The following TPST1 variants were observed in gnomAD, a reference collection of about 807,000 sequenced individuals.
The protein encoded by TPST1 is tyrosylprotein sulfotransferase 1, also known as protein-tyrosine sulfotransferase 1.
Under a neutral mutation model 34.8 loss-of-function variants are expected in TPST1, and 20 were observed. The observed-to-expected ratio is 0.57, with a 90% CI of 0.40 to 0.84. The LOEUF is 0.84. TPST1 is among the 40% of genes least tolerant of loss of function. The probability of loss-of-function intolerance (pLI) is 0.00; values close to 1 mark genes in which losing one functional copy is unlikely to be tolerated. For missense variants in TPST1, 353 were observed against 455.5 expected (o/e 0.78, Z 2.05); for synonymous variants, 152 against 159.4 (o/e 0.95, Z 0.35).
chr7:66,255,423 C>T (rs117268389), intron 2 of TPST1, among the ~76,000 whole-genome samples: 41 of 152,222 alleles, frequency 2.7e-4, no homozygotes, highest in Non-Finnish European at 5.1e-4. Flanking sequence ...TATTATTATG[C>T]AGAATTCCAA....
At chr7:66,232,167 A>G (rs1028312775) in intron 1 of TPST1, among the ~76,000 whole-genome samples, 1 of 128,680 alleles carries the variant, frequency 7.8e-6, no homozygotes, top group African/African-American at 2.9e-5. Flanking sequence ...CATGGTAACT[A>G]TTTTTTAATT....
At chr7:66,296,429 A>G (rs1418682930) in intron 3 of TPST1, among the ~76,000 whole-genome samples, 1 of 152,072 alleles carries the variant, frequency 6.6e-6, no homozygotes, top group Non-Finnish European at 1.5e-5. Context: ...AATCCTGTGT[A>G]TCTTCAAAGC....
intron 3 of TPST1, among the ~76,000 whole-genome samples, chr7:66,311,899 C>A (rs1293606262): frequency 6.6e-6 from 1 of 152,232 alleles, no homozygotes; most frequent in Non-Finnish European, 1.5e-5. Context: ...AAACCTTTCT[C>A]ATCTTCTCTC....
chr7:66,304,799 G>A (rs953116502), intron 3 of TPST1, among the ~76,000 whole-genome samples: 1 of 151,026 alleles, frequency 6.6e-6, no homozygotes, highest in Admixed American at 6.6e-5. Flanking sequence ...TACATATACT[G>A]AGATACAGAG....
At chr7:66,302,840 T>C (rs1471619113) in intron 3 of TPST1, among the ~76,000 whole-genome samples, 1 of 152,226 alleles carries the variant, frequency 6.6e-6, no homozygotes, top group Non-Finnish European at 1.5e-5. Flanking sequence ...TCAGCTGCAT[T>C]CAAACCAGGT....
rs150095071 is a variant in TPST1, at chr7:66,342,521, T to C, written c.1045-9984T>C. ...GAAGATGTGTTAGTCCATCTTGCAT[T>C]GCTAAAAAAGAATACCTGAGACTGG... On this transcript the variant is annotated intron_variant, in intron 3 of 5. Coordinates refer to ENST00000304842, the MANE Select transcript of TPST1 (RefSeq NM_003596.4). Among the ~76,000 whole-genome samples, 22 of 152,312 alleles carry C rather than the reference T, an allele frequency of 1.4e-4. No individual in the cohort carries two copies. The East Asian group carries it at 4.1e-3, about 28-fold the overall frequency.
At chr7:66,202,854 A>G (rs555890708), upstream of TPST1, among the ~76,000 whole-genome samples, 6 of 152,152 alleles carry the variant, frequency 3.9e-5, no homozygotes, top group Non-Finnish European at 5.9e-5. Flanking sequence ...CGGGCAGATC[A>G]TCTGAGGTCA....
chr7:66,260,934 C>G (rs1273795867), intron 2 of TPST1, among the ~76,000 whole-genome samples: 2 of 152,182 alleles, frequency 1.3e-5, no homozygotes, highest in Non-Finnish European at 2.9e-5. Flanking sequence ...GGGCACAGTT[C>G]CCTGTAAATT....
Position 66,221,745 on chromosome 7 carries a change from A to C in TPST1, c.-102+16223A>C, listed in dbSNP as rs10270729. 170 of 152,274 alleles carry C rather than the reference A, an allele frequency of 1.1e-3. 2 individuals are homozygous for C. The highest frequency in any genetic ancestry group is 3.8e-3 in the African/African-American group (157 of 41,558). The allele number at this position is 152,274 out of a possible 1,614,324, so 9.4% of individuals were successfully genotyped here. On this transcript the variant is annotated intron_variant, in intron 1 of 5. Coordinates refer to ENST00000304842, the MANE Select transcript of TPST1 (RefSeq NM_003596.4). ...AAACATAAGTTTGAATACAGAGTTG[A>C]CTTTTTAAAATCTGGGCTTTTCTTT...
intron 3 of TPST1, among the ~76,000 whole-genome samples, chr7:66,349,142 C>T (rs925803022): frequency 2.0e-5 from 3 of 152,158 alleles, no homozygotes; most frequent in Non-Finnish European, 2.9e-5. Context: ...CCCTGGGGTG[C>T]GGCCTCTGAG....
intron 3 of TPST1, among the ~76,000 whole-genome samples, chr7:66,327,879 T>A (rs1791900028): frequency 6.6e-6 from 1 of 152,014 alleles, no homozygotes; most frequent in South Asian, 2.1e-4. Context: ...ATCTATTTTT[T>A]AAAAACTGAT....
At chr7:66,295,779 A>G (rs1791180650) in intron 3 of TPST1, among the ~76,000 whole-genome samples, 1 of 152,096 alleles carries the variant, frequency 6.6e-6, no homozygotes, top group African/African-American at 2.4e-5. Flanking sequence ...TTATAGGCAC[A>G]TGCTACCACG....
intron 3 of TPST1, among the ~76,000 whole-genome samples, chr7:66,324,800 CAAAAAAAAAAAAAAAAAAAA>C (rs56389964): frequency 9.2e-6 from 1 of 109,248 alleles, no homozygotes; most frequent in East Asian, 3.1e-4. Context: ...GACTCTGTCT[CAAAAAAAAAAAAAAAAAAAA>C]AAAAAAAAAA....
chr7:66,304,380 C>T lies in TPST1; in HGVS notation c.1044+17671C>T, dbSNP rs568942825. Reference sequence around the variant, plus strand: ...GGAGCTTTAGGAGAGGCCAGTGGAGCGACTGCATCTGACTGCCCTGACCTC... The same window carrying T: ...GGAGCTTTAGGAGAGGCCAGTGGAGTGACTGCATCTGACTGCCCTGACCTC... On this transcript the variant is annotated intron_variant, in intron 3 of 5. Transcript: ENST00000304842. 7.2e-5 allele frequency among the ~76,000 whole-genome samples: 11 copies of T among 152,250 alleles called. No individual in the cohort carries two copies. In the South Asian group the frequency reaches 1.0e-3, roughly 14 times the overall value.
At chr7:66,230,092 G>A (rs191754325) in intron 1 of TPST1, among the ~76,000 whole-genome samples, 1 of 152,288 alleles carries the variant, frequency 6.6e-6, no homozygotes, top group African/African-American at 2.4e-5. Flanking sequence ...GGAGGCTGAG[G>A]CAGGAGAATC....
chr7:66,226,755 A>T (rs1789664354), intron 1 of TPST1, among the ~76,000 whole-genome samples: 1 of 152,202 alleles, frequency 6.6e-6, no homozygotes, highest in Non-Finnish European at 1.5e-5. Context: ...TTGACAACTA[A>T]CAAGTATGCT....
the TPST1 span, among the ~76,000 whole-genome samples, chr7:66,199,224 C>T: frequency 6.6e-6 from 1 of 152,090 alleles, no homozygotes; most frequent in Non-Finnish European, 1.5e-5. Flanking sequence ...ACCTGTCCAT[C>T]CGTCCATCCA....
chr7:66,331,190 A>G (rs543161514), intron 3 of TPST1, among the ~76,000 whole-genome samples: 14 of 152,332 alleles, frequency 9.2e-5, no homozygotes, highest in African/African-American at 3.1e-4. Flanking sequence ...ACCTCAGAGC[A>G]AGCAACCAAG....
chr7:66,249,949 A>G (rs1790229263), intron 2 of TPST1, among the ~76,000 whole-genome samples: 1 of 152,196 alleles, frequency 6.6e-6, no homozygotes, highest in African/African-American at 2.4e-5. Flanking sequence ...TGCTTTCATG[A>G]GACACTTGGC....
Sources: allele counts gnomAD v4.1 joint callset (sites outside exome capture counted in the v4.1 genomes callset), GRCh38; gene constraint gnomAD v4.1.1; transcripts MANE v1.5; gene names NCBI Gene and HGNC (gene_info 2026-07-23, HGNC 2026-07-21).